MYO16: variants seen among roughly 807,000 people sequenced by gnomAD.
The protein encoded by MYO16 is unconventional myosin-XVI.
In MYO16, 94 loss-of-function variants were observed where a neutral mutation model predicts 205.3. The observed-to-expected ratio is 0.46, with a 90% confidence interval of 0.39 to 0.54. The LOEUF is 0.54. Among genes scored for constraint, MYO16 ranks in the 20% least tolerant of loss-of-function variants. The pLI is 0.00. For missense variants in MYO16, 2,315 were observed against 2,387.5 expected, an observed-to-expected ratio of 0.97 and a Z score of 0.63; for synonymous variants, 988 against 954.0, an observed-to-expected ratio of 1.04 and a Z score of -0.66.
intron 4 of MYO16, among the ~76,000 whole-genome samples, chr13:108,736,567 C>G (rs1336266809): frequency 2.6e-5 from 4 of 152,244 alleles, no homozygotes; most frequent in African/African-American, 9.6e-5. Context: ...AGTTTGAAGT[C>G]AGGTAGCGTG....
chr13:108,682,277 C>T (rs1028396836), intron 2 of MYO16, among the ~76,000 whole-genome samples: 1 of 152,182 alleles, frequency 6.6e-6, no homozygotes, highest in Non-Finnish European at 1.5e-5. Flanking sequence ...CTAATAGGGA[C>T]CTTGCCGTTC....
chr13:108,819,402 A>C (rs1875835752), intron 7 of MYO16, among the ~76,000 whole-genome samples: 1 of 152,170 alleles, frequency 6.6e-6, no homozygotes, highest in African/African-American at 2.4e-5. Flanking sequence ...TGTCACAAAC[A>C]GGTTAAGCAA....
At chr13:108,714,301 C>T (rs113482882) in intron 3 of MYO16, among the ~76,000 whole-genome samples, 11 of 152,296 alleles carry the variant, frequency 7.2e-5, no homozygotes, top group South Asian at 6.2e-4. Context: ...GTGATCCACC[C>T]GCCTTGGCCT....
Position 108,790,129 on chromosome 13 carries a change from C to T in MYO16, c.617-3387C>T, listed in dbSNP as rs181933854. On this transcript the variant is annotated intron_variant, in intron 5 of 34. Transcript: ENST00000457511. ...AGGTGGCGCAGATCCTCCCACAACT[C>T]GGGAGAGCGCGCAGCTGTGCAGCTC... is the stretch of plus-strand genomic sequence containing the variant. Among the ~76,000 whole-genome samples the T allele has an allele frequency of 3.0e-4, 46 of 152,278 alleles. 1 individual carries two copies. The highest frequency in any genetic ancestry group is 1.8e-3 in the Admixed American group (27 of 15,294).
At chr13:108,850,924 G>A (rs1228186620) in intron 10 of MYO16, among the ~76,000 whole-genome samples, 2 of 152,154 alleles carry the variant, frequency 1.3e-5, no homozygotes, top group African/African-American at 2.4e-5. Context: ...AGAATCCACA[G>A]GAATACCAAT....
chr13:108,882,187 C>T (rs1051213099), intron 12 of MYO16, among the ~76,000 whole-genome samples: 4 of 152,176 alleles, frequency 2.6e-5, no homozygotes, highest in Non-Finnish European at 4.4e-5. Flanking sequence ...AGGTATTCTC[C>T]TGTGTAACCT....
intron 28 of MYO16, among the ~76,000 whole-genome samples, chr13:109,104,240 A>G (rs1468917359): frequency 6.6e-6 from 1 of 152,200 alleles, no homozygotes; most frequent in African/African-American, 2.4e-5. Context: ...TTTTGCTCAT[A>G]TTACAGGACT....
chr13:108,772,160 G>A (rs2138882743), intron 4 of MYO16, among the ~76,000 whole-genome samples: 1 of 152,084 alleles, frequency 6.6e-6, no homozygotes, highest in African/African-American at 2.4e-5. Flanking sequence ...ACAAGCCGGG[G>A]CAACATGGTG....
chr13:108,677,333 G>A (rs901978491), intron 2 of MYO16, among the ~76,000 whole-genome samples: 8 of 101,178 alleles, frequency 7.9e-5, no homozygotes, highest in African/African-American at 2.8e-4. Context: ...GTGTGTGTGT[G>A]TGTATATATA....
chr13:108,944,401 G>A (rs186870117), intron 16 of MYO16, among the ~76,000 whole-genome samples: 4 of 152,296 alleles, frequency 2.6e-5, no homozygotes, highest in Admixed American at 2.6e-4. Flanking sequence ...ATTTGATAAT[G>A]ACAACATTAA....
intron 16 of MYO16, among the ~76,000 whole-genome samples, chr13:108,926,976 TATG>T (rs1882035470): frequency 6.6e-6 from 1 of 152,098 alleles, no homozygotes; most frequent in Non-Finnish European, 1.5e-5. Context: ...AGAGTCCCGG[TATG>T]GGAAAGGCCC....
chr13:108,786,971 T>C (rs1167266583), intron 5 of MYO16, among the ~76,000 whole-genome samples: 1 of 152,258 alleles, frequency 6.6e-6, no homozygotes, highest in Non-Finnish European at 1.5e-5. Flanking sequence ...CTTGAAGTTA[T>C]ACAGACTTCT....
At chr13:109,173,836 C>T (rs1341515966) in intron 33 of MYO16, among the ~76,000 whole-genome samples, 2 of 132,250 alleles carry the variant, frequency 1.5e-5, no homozygotes, top group Non-Finnish European at 3.0e-5. Flanking sequence ...TGCAGTGAGC[C>T]GAGATCGCGC....
the MYO16 span, among the ~76,000 whole-genome samples, chr13:108,528,555 TCCTCTCCTCTCCTC>T: frequency 2.4e-5 from 3 of 125,740 alleles, no homozygotes; most frequent in Admixed American, 7.5e-5. Context: ...GTCTCTCCTC[TCCTCTCCTCTCCTC>T]TCCCCTCCCC....
chr13:108,787,274 T>G (rs577088656), intron 5 of MYO16, among the ~76,000 whole-genome samples: 1 of 152,318 alleles, frequency 6.6e-6, no homozygotes, highest in Admixed American at 6.5e-5. Context: ...CTGTATACAA[T>G]AAATATGTAC....
At chr13:108,674,564 C>A (rs1235808446) in intron 2 of MYO16, among the ~76,000 whole-genome samples, 1 of 152,132 alleles carries the variant, frequency 6.6e-6, no homozygotes. Flanking sequence ...TTTGAAAATG[C>A]GATGCTCTAT....
intron 31 of MYO16, among the ~76,000 whole-genome samples, chr13:109,137,934 A>G (rs1208571657): frequency 6.6e-6 from 1 of 152,198 alleles, no homozygotes; most frequent in African/African-American, 2.4e-5. Flanking sequence ...CAAGGCCTGC[A>G]TCACATTCTA....
intron 4 of MYO16, among the ~76,000 whole-genome samples, chr13:108,757,985 C>A (rs1248888821): frequency 1.3e-5 from 2 of 152,064 alleles, no homozygotes; most frequent in Non-Finnish European, 2.9e-5. Context: ...ATTAGGAGAG[C>A]CTCTTGGGAG....
At chr13:109,058,299 G>T (rs1887478816) in intron 27 of MYO16, among the ~76,000 whole-genome samples, 1 of 152,044 alleles carries the variant, frequency 6.6e-6, no homozygotes, top group South Asian at 2.1e-4. Context: ...ATAATCTCCA[G>T]CCTCACCCCA....
Sources: gnomAD v4.1 joint callset for allele counts (sites outside exome capture counted in the v4.1 genomes callset) on GRCh38, gnomAD v4.1.1 for gene constraint, MANE v1.5 for transcripts, NCBI Gene and HGNC (gene_info 2026-07-23, HGNC 2026-07-21) for gene names.